SGIP1: variants seen among roughly 807,000 people sequenced by gnomAD.
SGIP1 encodes the protein SH3-containing GRB2-like protein 3-interacting protein 1.
In SGIP1, 38 loss-of-function variants were observed where a neutral mutation model predicts 107.5. That is an observed-to-expected ratio of 0.35 (90% CI 0.27 to 0.46). The LOEUF is 0.46. Among genes scored for constraint, SGIP1 ranks in the 20% least tolerant of loss-of-function variants. The pLI is 1.00. For missense variants in SGIP1, 929 were observed against 1,019.5 expected, an observed-to-expected ratio of 0.91 and a Z score of 1.21; for synonymous variants, 365 against 366.1, an observed-to-expected ratio of 1.00 and a Z score of 0.03.
intron 1 of SGIP1, among the ~76,000 whole-genome samples, chr1:66,574,306 C>G (rs760769528): frequency 2.0e-5 from 3 of 152,082 alleles, no homozygotes; most frequent in Non-Finnish European, 4.4e-5. Flanking sequence ...TTGCAAAGGC[C>G]TCTTGGAAAA....
intron 1 of SGIP1, among the ~76,000 whole-genome samples, chr1:66,604,455 G>A (rs2066445424): frequency 6.6e-6 from 1 of 151,962 alleles, no homozygotes; most frequent in South Asian, 2.1e-4. Context: ...GAGTCAAAAT[G>A]GACAATTTAT....
intron 18 of SGIP1, among the ~76,000 whole-genome samples, chr1:66,715,896 A>G (rs935922874): frequency 1.3e-5 from 2 of 152,186 alleles, no homozygotes; most frequent in East Asian, 1.9e-4. Flanking sequence ...AAAATATAAG[A>G]AAATTTTTAG....
chr1:66,673,319 T>A lies in SGIP1; in HGVS notation c.599T>A (p.Leu200His). Residue 200 changes from leucine to histidine, a missense_variant, in exon 12 of 25, where the codon CTC becomes CAC. Physicochemically the swap from Leu to His is moderately conservative, Grantham distance 99 (BLOSUM62 -3). Around this residue, in one of 2 missense-constraint regions of SGIP1, gnomAD observed 588 missense variants for 588.6 expected, o/e 1.00. Transcript: ENST00000371037. ...GATGACACTACGGCCCTTGCTCCTC[T>A]CTTTGGCCCACCACTAGAATCAGCT... The part of the protein sequence containing the change: ...PPDDTTALAP[L>H]FGPPLESAFD... 1 of 1,613,700 alleles carries A rather than the reference T, an allele frequency of 6.2e-7. No homozygotes were observed. Among genetic ancestry groups the A allele is most frequent in the Non-Finnish European group, 8.5e-7 (1 of 1,179,896 alleles).
chr1:66,597,230 G>A (rs931415441), intron 1 of SGIP1, among the ~76,000 whole-genome samples: 4 of 152,072 alleles, frequency 2.6e-5, no homozygotes, highest in African/African-American at 9.7e-5. Flanking sequence ...CCTGAAGTAG[G>A]CCCCAATGTC....
chr1:66,589,208 A>ATGTGTG (rs1453675527), intron 1 of SGIP1, among the ~76,000 whole-genome samples: 1 of 87,520 alleles, frequency 1.1e-5, no homozygotes. Flanking sequence ...ATATATATAT[A>ATGTGTG]TATATATATG....
intron 18 of SGIP1, among the ~76,000 whole-genome samples, chr1:66,698,088 T>G (rs1304020563): frequency 1.3e-5 from 2 of 152,216 alleles, no homozygotes; most frequent in Non-Finnish European, 2.9e-5. Flanking sequence ...TTGTTCATCA[T>G]TTTGTTCTTA....
intron 1 of SGIP1, among the ~76,000 whole-genome samples, chr1:66,563,196 C>G (rs1182803575): frequency 6.6e-6 from 1 of 151,898 alleles, no homozygotes; most frequent in Non-Finnish European, 1.5e-5. Flanking sequence ...TACAACCCAC[C>G]CAGTAAACCT....
At chr1:66,596,039 A>G (rs558450606) in intron 1 of SGIP1, among the ~76,000 whole-genome samples, 44 of 152,364 alleles carry the variant, frequency 2.9e-4, no homozygotes, top group African/African-American at 1.1e-3. Flanking sequence ...ATAAAATCAC[A>G]TTTAAAATAC....
intron 18 of SGIP1, among the ~76,000 whole-genome samples, chr1:66,711,487 G>T (rs2092915164): frequency 1.3e-5 from 2 of 152,032 alleles, no homozygotes; most frequent in South Asian, 4.1e-4. Flanking sequence ...GTAGAATTGG[G>T]TCTCATTTAT....
chr1:66,551,106 A>G lies in SGIP1; in HGVS notation c.10+16738A>G, dbSNP rs111992850. On this transcript the variant is annotated intron_variant, in intron 1 of 24. Transcript: ENST00000371037. Reference sequence around the variant, plus strand: ...AGAGAGTTTATAACTCACCATATCAATGGTACATCAGCAAATGATGAAGAG... The same window carrying G: ...AGAGAGTTTATAACTCACCATATCAGTGGTACATCAGCAAATGATGAAGAG... 9.8e-3 allele frequency among the ~76,000 whole-genome samples: 1,495 copies of G among 152,276 alleles called. 27 individuals are homozygous for G. Among genetic ancestry groups the G allele is most frequent in the African/African-American group, 0.034 (1,419 of 41,576 alleles).
At chr1:66,730,912 T>A (rs549750964) in intron 20 of SGIP1, among the ~76,000 whole-genome samples, 2 of 152,266 alleles carry the variant, frequency 1.3e-5, no homozygotes, top group African/African-American at 4.8e-5. Flanking sequence ...TAGTCTCAGC[T>A]CTACTCTGCC....
intron 7 of SGIP1, among the ~76,000 whole-genome samples, chr1:66,653,235 A>G (rs1009783541): frequency 1.3e-5 from 2 of 152,208 alleles, no homozygotes; most frequent in Non-Finnish European, 2.9e-5. Flanking sequence ...TCAACATTTT[A>G]ATAAACCATG....
In SGIP1 at chr1:66,635,931, C is replaced by T; in HGVS notation, c.100-13C>T. ...TTAACCACTTTTTTCTACATGAAAACAATCAATTCCAGCAGCCCAGCCCAC... is the reference window on the plus strand; with the variant it reads ...TTAACCACTTTTTTCTACATGAAAATAATCAATTCCAGCAGCCCAGCCCAC... On this transcript the variant is annotated splice_polypyrimidine_tract_variant and intron_variant, in intron 3 of 24. Transcript: ENST00000371037. The T allele has an allele frequency of 6.2e-7, 1 of 1,613,242 alleles. No individual in the cohort carries two copies. The highest frequency in any genetic ancestry group is 8.5e-7 in the Non-Finnish European group (1 of 1,179,644).
In SGIP1 at chr1:66,592,897, C is replaced by CTTTTTTT. The variant is rs35762612; in HGVS notation, c.11-32926_11-32920dup. 2.0e-3 allele frequency among the ~76,000 whole-genome samples: 112 copies of CTTTTTTT among 56,354 alleles called. 4 individuals are homozygous for CTTTTTTT. Among genetic ancestry groups the CTTTTTTT allele is most frequent in the African/African-American group, 3.5e-3 (41 of 11,642 alleles). The allele number at this position is 56,354 out of a possible 152,430, so 37.0% of individuals were successfully genotyped here. On this transcript the variant is annotated intron_variant, in intron 1 of 24. Transcript: ENST00000371037. ...CTTTCCTTCTTTCTTTCTTCTTCTT[C>CTTTTTTT]TTTTTTTTTTTTTTTTTTTTTTTTT...
chr1:66,578,988 A>T (rs1557952619), intron 1 of SGIP1, among the ~76,000 whole-genome samples: 2 of 152,122 alleles, frequency 1.3e-5, no homozygotes, highest in Non-Finnish European at 2.9e-5. Context: ...AGTCGAGAGA[A>T]TTAGGGGGTA....
intron 1 of SGIP1, among the ~76,000 whole-genome samples, chr1:66,555,542 G>A (rs1177868234): frequency 6.6e-6 from 1 of 152,092 alleles, no homozygotes; most frequent in Non-Finnish European, 1.5e-5. Context: ...AGTAAATATT[G>A]GTTGAATTAA....
At chr1:66,695,279 T>A in intron 17 of SGIP1, 155 bp from the exon 18 acceptor site, 2 of 1,058,906 alleles carry the variant, frequency 1.9e-6, no homozygotes, top group Non-Finnish European at 2.4e-6. Flanking sequence ...AAAGTGTAGA[T>A]TGCCAGCCTT....
At chr1:66,667,927 G>A (rs563362615) in intron 9 of SGIP1, among the ~76,000 whole-genome samples, 159 of 152,140 alleles carry the variant, frequency 1.0e-3, no homozygotes, top group African/African-American at 3.7e-3. Flanking sequence ...AGAATGTAAG[G>A]ACATCATTTT....
chr1:66,633,522 A>G (rs1208244567), intron 3 of SGIP1, among the ~76,000 whole-genome samples: 1 of 152,222 alleles, frequency 6.6e-6, no homozygotes, highest in African/African-American at 2.4e-5. Context: ...TGCTGCAGAT[A>G]CATTTTCTAT....
Sources: allele counts gnomAD v4.1 joint callset (sites outside exome capture counted in the v4.1 genomes callset), GRCh38; gene constraint gnomAD v4.1.1; regional missense constraint gnomAD v4.1.1; transcripts MANE v1.5; gene names NCBI Gene and HGNC (gene_info 2026-07-23, HGNC 2026-07-21).